NUDT21: variants seen among roughly 807,000 people sequenced by gnomAD.
NUDT21 encodes the protein cleavage and polyadenylation specificity factor subunit 5.
NUDT21 carries 5 observed loss-of-function variants against 29.8 expected under a neutral mutation model. The observed-to-expected ratio is 0.17, with a 90% CI of 0.09 to 0.35. The LOEUF (loss-of-function observed/expected upper bound fraction) is 0.35. Among genes scored for constraint, NUDT21 ranks in the 10% least tolerant of loss-of-function variants. The pLI, the probability that NUDT21 is intolerant of heterozygous loss-of-function variation, is 1.00. For synonymous variants in NUDT21, 113 were observed against 98.5 expected (o/e 1.15, Z -0.87); for missense variants, 76 against 276.0 (o/e 0.28, Z 5.13).
chr16:56,434,329 A>T lies in NUDT21; in HGVS notation c.662+2T>A. ...AACCAAAAAATGTTCAACTTTCTGT[A>T]CCTGCTCAACAGCTGAGGGAGACTA... is the stretch of plus-strand genomic sequence containing the variant. On this transcript the variant is annotated splice_donor_variant, in intron 6 of 6. Transcript: ENST00000300291. LOFTEE classifies it high-confidence loss of function. The T allele has an allele frequency of 6.3e-7, 1 of 1,589,144 alleles. No homozygotes were observed. Among genetic ancestry groups the T allele is most frequent in the Non-Finnish European group, 8.6e-7 (1 of 1,157,646 alleles).
chr16:56,450,567 G>A (rs553047545), intron 1 of NUDT21, among the ~76,000 whole-genome samples: 2 of 152,270 alleles, frequency 1.3e-5, no homozygotes, highest in South Asian at 4.1e-4. Context: ...TGAATAAAAT[G>A]TGTTGTATTC....
At chr16:56,439,010 C>T (rs1962133030) in intron 4 of NUDT21, 5 of 151,990 alleles carry the variant, frequency 3.3e-5, no homozygotes, top group Non-Finnish European at 7.3e-5. Flanking sequence ...GAAATATTTA[C>T]AATTGAAATG....
rs147965607 is a variant in NUDT21, at chr16:56,447,321, C to G, written c.317+468G>C. ...TGGGAAACTTTTTCAAGAACGTCAT[C>G]TAAGTATTGGAGACTTTTCTTTTTG... On this transcript the variant is annotated intron_variant, in intron 2 of 6. Coordinates refer to ENST00000300291, the MANE Select transcript of NUDT21 (RefSeq NM_007006.3). Among the ~76,000 whole-genome samples the G allele has an allele frequency of 8.4e-3, 1,276 of 152,246 alleles. 7 individuals are homozygous for G. The highest frequency in any genetic ancestry group is 0.011 in the Non-Finnish European group (736 of 68,016).
At chr16:56,444,319 C>T (rs1962192300) in intron 3 of NUDT21, among the ~76,000 whole-genome samples, 1 of 152,116 alleles carries the variant, frequency 6.6e-6, no homozygotes, top group Non-Finnish European at 1.5e-5. Context: ...GACAGTGGCT[C>T]ACACCTGTAA....
At chr16:56,447,608 T>G (rs1205387723) in intron 2 of NUDT21, 181 bp downstream of exon 2, 2 of 592,218 alleles carry the variant, frequency 3.4e-6, no homozygotes, top group African/African-American at 3.7e-5. Flanking sequence ...AGATTACTAG[T>G]TAGGAAAATA....
intron 3 of NUDT21, 68 bp from the exon 4 acceptor site, chr16:56,439,814 C>T: frequency 2.4e-6 from 3 of 1,260,070 alleles, no homozygotes; most frequent in Non-Finnish European, 3.5e-6. Flanking sequence ...CTTCAGTGAA[C>T]AGAAAATTCT....
At chr16:56,450,427 G>A (rs1376312639) in intron 1 of NUDT21, among the ~76,000 whole-genome samples, 3 of 152,192 alleles carry the variant, frequency 2.0e-5, no homozygotes, top group South Asian at 2.1e-4. Context: ...CCTCCAGTCT[G>A]AAAGCCCAAC....
chr16:56,434,390 CA>C lies in NUDT21; in HGVS notation c.602del (p.Leu201CysfsTer19). The C allele has an allele frequency of 6.2e-7, 1 of 1,613,798 alleles. No individual in the cohort carries two copies. Among genetic ancestry groups the C allele is most frequent in the Non-Finnish European group, 8.5e-7 (1 of 1,179,792 alleles). On this transcript the variant is annotated frameshift_variant, in exon 6 of 7. Transcript: ENST00000300291. LOFTEE classifies it high-confidence loss of function. Reference sequence around the variant, plus strand: ...GTCCATATCCTGGTGCATTGTCATACAATTCAAACAATGGTGCAGCTACCAG... The same window carrying C: ...GTCCATATCCTGGTGCATTGTCATACATTCAAACAATGGTGCAGCTACCAG... ...YKLVAAPLFELYDNAPGYGPI... is the reference protein window; with the variant it reads ...YKLVAAPLFEXYDNAPGYGPI...
At chr16:56,440,027 A>G (rs527601539) in intron 3 of NUDT21, among the ~76,000 whole-genome samples, 14 of 152,210 alleles carry the variant, frequency 9.2e-5, no homozygotes, top group Non-Finnish European at 2.1e-4. Flanking sequence ...TATTTTAACC[A>G]AAGTCATACT....
intron 6 of NUDT21, among the ~76,000 whole-genome samples, chr16:56,433,781 G>A (rs574846373): frequency 7.2e-5 from 11 of 151,930 alleles, no homozygotes; most frequent in African/African-American, 1.7e-4. Flanking sequence ...TCTGCCTCCC[G>A]GGTTCAAGCA....
At chr16:56,437,141 T>C (rs1306938477) in intron 4 of NUDT21, among the ~76,000 whole-genome samples, 2 of 152,190 alleles carry the variant, frequency 1.3e-5, no homozygotes, top group African/African-American at 4.8e-5. Context: ...AACACCAGCA[T>C]CAGCTTCCAC....
Position 56,432,673 on chromosome 16 carries a change from A to G in NUDT21, c.*39T>C, listed in dbSNP as rs768210263. On this transcript the variant is annotated 3_prime_UTR_variant, in exon 7 of 7. Transcript: ENST00000300291. ...ACACTGTATATAGCTGTGCTCACAG[A>G]GACAAGCGGCTTCTTTTACTTCTCC... The G allele has an allele frequency of 6.2e-7, 1 of 1,600,110 alleles. No individual in the cohort carries two copies. The highest frequency in any genetic ancestry group is 8.5e-7 in the Non-Finnish European group (1 of 1,171,904).
Position 56,440,863 on chromosome 16 carries a change from G to A in NUDT21, c.382-1117C>T, listed in dbSNP as rs571305097. Among the ~76,000 whole-genome samples the A allele has an allele frequency of 1.9e-4, 29 of 151,134 alleles. No individual in the cohort carries two copies. In the East Asian group the frequency reaches 2.2e-3, roughly 11 times the overall value. ...AAGTGATTCTCCTGTCTCAGCCTCC[G>A]GAGTAGGTGGGATTACAGGCACATG... is the stretch of plus-strand genomic sequence containing the variant. On this transcript the variant is annotated intron_variant, in intron 3 of 6. Coordinates refer to ENST00000300291, the MANE Select transcript of NUDT21 (RefSeq NM_007006.3).
chr16:56,430,094 T>C lies in NUDT21; in HGVS notation c.*2618A>G, dbSNP rs1367580217. 1.3e-5 allele frequency: 2 copies of C among 152,188 alleles called. No individual in the cohort carries two copies. Among genetic ancestry groups the C allele is most frequent in the African/African-American group, 4.8e-5 (2 of 41,456 alleles). The allele number at this position is 152,188 out of a possible 1,614,324, so 9.4% of individuals were successfully genotyped here. ...TAATGGAACCCTTAAATATCCAAAA[T>C]AATAAGTGAATGCTATTTATAAGAC... On this transcript the variant is annotated 3_prime_UTR_variant, in exon 7 of 7. Coordinates refer to ENST00000300291, the MANE Select transcript of NUDT21 (RefSeq NM_007006.3).
Position 56,451,115 on chromosome 16 carries a change from G to A in NUDT21, c.88C>T (p.Pro30Ser). ...TTGATGGTGCGCTCCAGGGTGAGGGGCTTCGTCTGCTGGATGTACTTGTTG... is the reference window on the plus strand; with the variant it reads ...TTGATGGTGCGCTCCAGGGTGAGGGACTTCGTCTGCTGGATGTACTTGTTG... ...FGNKYIQQTK[P>S]LTLERTINLY... Residue 30 changes from proline (P) to serine (S), a missense_variant, in exon 1 of 7, where the codon CCC becomes TCC. By Grantham distance (74) the Pro-to-Ser change is moderately conservative (BLOSUM62 -1). Transcript: ENST00000300291. 6.2e-7 allele frequency: 1 copy of A among 1,613,698 alleles called. No homozygotes were observed.
chr16:56,438,247 C>A (rs372372207), intron 4 of NUDT21, among the ~76,000 whole-genome samples: 1 of 152,162 alleles, frequency 6.6e-6, no homozygotes, highest in African/African-American at 2.4e-5. Context: ...CTTGGGCACT[C>A]CTCTAGCACT....
intron 2 of NUDT21, 68 bp downstream of exon 2, chr16:56,447,718 TGTA>T: frequency 7.3e-7 from 1 of 1,369,668 alleles, no homozygotes; most frequent in Non-Finnish European, 1.0e-6. Flanking sequence ...GGGCTAAAAT[TGTA>T]TTCCAGAGCT....
intron 1 of NUDT21, chr16:56,449,111 C>A (rs189074811): frequency 1.7e-4 from 26 of 152,288 alleles, no homozygotes. Flanking sequence ...CTACATAGAA[C>A]GACGTGCCAA....
At chr16:56,435,743 T>TATATATATATA (rs1491361552) in intron 4 of NUDT21, among the ~76,000 whole-genome samples, 8 of 27,056 alleles carry the variant, frequency 3.0e-4, no homozygotes, top group African/African-American at 4.2e-4. Context: ...AAAAAAAAAA[T>TATATATATATA]TATATATATA....
Sources: gnomAD v4.1 joint callset for allele counts (sites outside exome capture counted in the v4.1 genomes callset) on GRCh38, gnomAD v4.1.1 for gene constraint, MANE v1.5 for transcripts, NCBI Gene and HGNC (gene_info 2026-07-23, HGNC 2026-07-21) for gene names.